The following RIMS1 variants were observed in gnomAD, a reference collection of about 807,000 sequenced individuals.
RIMS1 encodes regulating synaptic membrane exocytosis 1.
In RIMS1, 83 loss-of-function variants were observed where a neutral mutation model predicts 214.1. That is an observed-to-expected ratio of 0.39 (90% CI 0.32 to 0.47). The LOEUF is 0.47. Ranked by LOEUF, RIMS1 falls within the 20% of genes least tolerant of loss-of-function variation. The probability of loss-of-function intolerance (pLI) is 0.99; values close to 1 mark genes in which losing one functional copy is unlikely to be tolerated. For synonymous variants in RIMS1, 793 were observed against 786.8 expected, an observed-to-expected ratio of 1.01 and a Z score of -0.13; for missense variants, 2,050 against 2,161.8, an observed-to-expected ratio of 0.95 and a Z score of 1.03.
intron 29 of RIMS1, among the ~76,000 whole-genome samples, chr6:72,385,872 A>C (rs534738310): frequency 6.6e-6 from 1 of 152,350 alleles, no homozygotes; most frequent in Non-Finnish European, 1.5e-5. Flanking sequence ...CTGTTTATTG[A>C]GCTTCTGCCT....
intron 6 of RIMS1, among the ~76,000 whole-genome samples, chr6:72,230,865 T>G (rs1589779983): frequency 6.6e-6 from 1 of 151,632 alleles, no homozygotes; most frequent in Non-Finnish European, 1.5e-5. Flanking sequence ...TGGCTAGTTA[T>G]GAACTTGAGA....
At chr6:72,028,414 T>G (rs1817152915) in intron 2 of RIMS1, among the ~76,000 whole-genome samples, 1 of 152,196 alleles carries the variant, frequency 6.6e-6, no homozygotes, top group Non-Finnish European at 1.5e-5. Context: ...TGTAACAACC[T>G]AAGAATTTGA....
chr6:71,943,877 C>A (rs1249021821), intron 1 of RIMS1, among the ~76,000 whole-genome samples: 2 of 152,182 alleles, frequency 1.3e-5, no homozygotes, highest in Non-Finnish European at 2.9e-5. Flanking sequence ...TGGCTTCAGT[C>A]TATTAAGTGA....
intron 4 of RIMS1, among the ~76,000 whole-genome samples, chr6:72,146,772 T>C (rs1342111480): frequency 3.3e-5 from 5 of 152,246 alleles, no homozygotes; most frequent in Non-Finnish European, 7.3e-5. Context: ...TTATAATCTT[T>C]TACTAAAAAC....
At chr6:72,176,497 T>G (rs1334684122) in intron 4 of RIMS1, among the ~76,000 whole-genome samples, 1 of 152,188 alleles carries the variant, frequency 6.6e-6, no homozygotes, top group Non-Finnish European at 1.5e-5. Flanking sequence ...TTATTTTTTA[T>G]TTGTAAAATT....
rs751979641 is a variant in RIMS1 at position 72,129,647 on chromosome 6, C to A, written c.471+29661C>A. 4.6e-5 allele frequency among the ~76,000 whole-genome samples: 7 copies of A among 151,946 alleles called. No homozygotes were observed. In the South Asian group the frequency reaches 1.0e-3, roughly 23 times the overall value. ...AGTAGAACAGAAAGATCTAGATAAG[C>A]CTTAATCAGTACTGCTCATTTAATG... On this transcript the variant is annotated intron_variant, in intron 4 of 33. Transcript: ENST00000521978.
At chr6:72,199,027 C>T (rs1346285873) in intron 6 of RIMS1, among the ~76,000 whole-genome samples, 1 of 151,752 alleles carries the variant, frequency 6.6e-6, no homozygotes, top group African/African-American at 2.4e-5. Context: ...CAAGGAAGTC[C>T]CTGAATGACA....
At chr6:72,195,053 T>C (rs1266289798) in intron 6 of RIMS1, among the ~76,000 whole-genome samples, 1 of 152,078 alleles carries the variant, frequency 6.6e-6, no homozygotes, top group Non-Finnish European at 1.5e-5. Context: ...TTCGTGCCTG[T>C]GAGGAATTGA....
intron 2 of RIMS1, among the ~76,000 whole-genome samples, chr6:71,973,613 C>A (rs1796427369): frequency 6.6e-6 from 1 of 152,106 alleles, no homozygotes; most frequent in South Asian, 2.1e-4. Context: ...TTATTCCTAC[C>A]AAGATGTCAG....
intron 6 of RIMS1, among the ~76,000 whole-genome samples, chr6:72,196,892 G>C (rs1474058742): frequency 2.0e-5 from 3 of 151,870 alleles, no homozygotes; most frequent in Non-Finnish European, 4.4e-5. Flanking sequence ...AGATTCAATG[G>C]AGCTGAAGTG....
At chr6:71,904,158 G>C (rs1331457045) in intron 1 of RIMS1, among the ~76,000 whole-genome samples, 1 of 152,132 alleles carries the variant, frequency 6.6e-6, no homozygotes, top group Admixed American at 6.6e-5. Context: ...CAGTGTGATA[G>C]GGAAAGCTCT....
intron 2 of RIMS1, among the ~76,000 whole-genome samples, chr6:72,021,177 C>G (rs578105): frequency 0.22 from 33,147 of 152,116 alleles, 4,425 homozygotes; most frequent in East Asian, 0.32. Context: ...TTACTTCTCC[C>G]TCTAAGAAGG....
At chr6:71,992,424 T>C (rs201371784) in intron 2 of RIMS1, among the ~76,000 whole-genome samples, 1 of 74,370 alleles carries the variant, frequency 1.3e-5, no homozygotes. Context: ...CTTTCTTTCT[T>C]TCTTTCTTTC....
chr6:72,256,842 C>T (rs2076069011), intron 16 of RIMS1, among the ~76,000 whole-genome samples: 1 of 151,650 alleles, frequency 6.6e-6, no homozygotes, highest in Non-Finnish European at 1.5e-5. Flanking sequence ...AACTCAATAG[C>T]TTAGTTGATA....
intron 26 of RIMS1, among the ~76,000 whole-genome samples, chr6:72,295,512 C>T (rs1386947436): frequency 6.6e-6 from 1 of 151,576 alleles, no homozygotes; most frequent in East Asian, 1.9e-4. Flanking sequence ...CATGAACTTT[C>T]ATTTTTGAAA....
At chr6:71,949,780 A>G (rs1788902306) in intron 1 of RIMS1, among the ~76,000 whole-genome samples, 1 of 152,236 alleles carries the variant, frequency 6.6e-6, no homozygotes, top group African/African-American at 2.4e-5. Context: ...CTAAAATGTT[A>G]TAGCCATTTT....
chr6:72,023,039 G>A (rs1815218074), intron 2 of RIMS1, among the ~76,000 whole-genome samples: 1 of 152,064 alleles, frequency 6.6e-6, no homozygotes, highest in Admixed American at 6.6e-5. Context: ...TTCTCCATCT[G>A]TGGAAACAGT....
intron 2 of RIMS1, among the ~76,000 whole-genome samples, chr6:72,004,450 C>T (rs1386715321): frequency 1.3e-5 from 2 of 152,058 alleles, no homozygotes; most frequent in East Asian, 1.9e-4. Flanking sequence ...GCCACACTGA[C>T]TTCCACAATG....
chr6:72,161,053 T>C (rs997741811), intron 4 of RIMS1, among the ~76,000 whole-genome samples: 2 of 140,240 alleles, frequency 1.4e-5, no homozygotes, highest in African/African-American at 4.9e-5. Flanking sequence ...AATTATTGCC[T>C]CAATTTCAGA....
Sources: allele counts gnomAD v4.1 joint callset (sites outside exome capture counted in the v4.1 genomes callset), GRCh38; gene constraint gnomAD v4.1.1; transcripts MANE v1.5; gene names NCBI Gene and HGNC (gene_info 2026-07-23, HGNC 2026-07-21).